The following ALPK2 variants were observed in gnomAD, a reference collection of about 807,000 sequenced individuals.
ALPK2 encodes alpha-protein kinase 2.
ALPK2 carries 127 observed loss-of-function variants against 163.1 expected under a neutral mutation model. The ratio of observed to expected loss-of-function variants is 0.78; its 90% CI spans 0.67 to 0.90. The LOEUF is 0.90. ALPK2 is among the 40% of genes least tolerant of loss of function. ALPK2 has a pLI of 0.00. For synonymous variants in ALPK2, 953 were observed against 959.1 expected (o/e 0.99, Z 0.12); for missense variants, 2,360 against 2,589.6 (o/e 0.91, Z 1.92).
At position 58,537,479 on chromosome 18, in the gene ALPK2, C is replaced by G. The variant is rs149634781; in HGVS notation, c.2708G>C (p.Ser903Thr). 2 of 1,611,846 alleles carry G rather than the reference C, an allele frequency of 1.2e-6. No individual in the cohort carries two copies. Among genetic ancestry groups the G allele is most frequent in the Non-Finnish European group, 1.7e-6 (2 of 1,178,482 alleles). The change falls in exon 5 of 13, where the codon AGT becomes ACT. Residue 903 changes from serine (S) to threonine (T), a missense_variant. Ser to Thr is a moderately conservative substitution (Grantham distance 58). Transcript: ENST00000361673. ...TAGATTTTCTCCTGTGGCACCTTCACTAGCTGTGTGTGAAATGTTCAAGGT... is the reference window on the plus strand; with the variant it reads ...TAGATTTTCTCCTGTGGCACCTTCAGTAGCTGTGTGTGAAATGTTCAAGGT... ...TFTLNISHTA[S>T]EGATGENLAK...
Position 58,537,373 on chromosome 18 carries a change from T to C in ALPK2, c.2814A>G (p.Gly938=), listed in dbSNP as rs763641874. The change falls in exon 5 of 13, where the codon GGA becomes GGG. Residue 938 remains glycine, a synonymous_variant. Transcript: ENST00000361673. ...AAAGGAGCTGTGTTTCATCAAGCCC[T>C]CCTGAGTTGCTGGGGCTTGGCTGCT... ...GQEQPSPSNS[G]GLDETQLLSS... is the part of the protein sequence containing the mutation. The C allele has an allele frequency of 1.9e-6, 3 of 1,614,056 alleles. No individual in the cohort carries two copies. The highest frequency in any genetic ancestry group is 2.5e-6 in the Non-Finnish European group (3 of 1,179,960).
chr18:58,598,232 G>A (rs980545644), intron 3 of ALPK2, among the ~76,000 whole-genome samples: 6 of 152,244 alleles, frequency 3.9e-5, no homozygotes, highest in South Asian at 2.1e-4. Flanking sequence ...GATCCAGAGC[G>A]GCAGCTCCTC....
intron 3 of ALPK2, among the ~76,000 whole-genome samples, chr18:58,585,526 A>C (rs905492481): frequency 2.0e-5 from 3 of 152,194 alleles, no homozygotes; most frequent in Non-Finnish European, 4.4e-5. Context: ...CTGACACATC[A>C]ATGTATTGGG....
At chr18:58,578,733 GAC>G (rs71173065) in intron 4 of ALPK2, 79 bp downstream of exon 4, 18,870 of 515,506 alleles carry the variant, frequency 0.037, 14 homozygotes, top group Non-Finnish European at 0.048. Context: ...TAAAGGAAGA[GAC>G]ACACACACAC....
At chr18:58,572,086 G>T (rs927823789) in intron 4 of ALPK2, among the ~76,000 whole-genome samples, 6 of 151,848 alleles carry the variant, frequency 4.0e-5, no homozygotes, top group African/African-American at 1.5e-4. Flanking sequence ...GTTAGGAAAT[G>T]GACTTAACAG....
chr18:58,578,564 G>C lies in ALPK2; in HGVS notation c.1962+250C>G, dbSNP rs145047869. The C allele has an allele frequency of 1.8e-3, 650 of 368,906 alleles. 1 individual carries two copies. The highest frequency in any genetic ancestry group is 0.012 in the African/African-American group (555 of 47,310). 22.9% of individuals were successfully genotyped at this position (368,906 alleles called of 1,614,324 possible). On this transcript the variant is annotated intron_variant, in intron 4 of 12. Transcript: ENST00000361673. Reference sequence around the variant, plus strand: ...CATTAGTGCCTCTTAACTTCTATCAGTCTTTTGCTATAATTAGGATGGCTT... The same window carrying C: ...CATTAGTGCCTCTTAACTTCTATCACTCTTTTGCTATAATTAGGATGGCTT...
chr18:58,580,163 G>T lies in ALPK2; in HGVS notation c.613C>A (p.Pro205Thr). 1 of 1,614,154 alleles carries T rather than the reference G, an allele frequency of 6.2e-7. No homozygotes were observed. Among genetic ancestry groups the T allele is most frequent in the Non-Finnish European group, 8.5e-7 (1 of 1,180,026 alleles). Reference protein sequence around the residue: ...GTRHTGEAYDPSNTEEIANGL... With the variant: ...GTRHTGEAYDTSNTEEIANGL... The stretch of plus-strand genomic sequence containing the variant: ...TTTGCAATTTCTTCTGTGTTACTTG[G>T]ATCATAAGCCTCTCCAGTGTGCCTT... Residue 205 changes from proline (P) to threonine (T), a missense_variant, in exon 4 of 13, where the codon CCA (proline) becomes ACA (threonine). Pro to Thr is a conservative substitution (Grantham distance 38). Coordinates refer to ENST00000361673, the MANE Select transcript of ALPK2 (RefSeq NM_052947.4).
At chr18:58,527,273 C>T (rs1380954738) in intron 6 of ALPK2, among the ~76,000 whole-genome samples, 1 of 152,182 alleles carries the variant, frequency 6.6e-6, no homozygotes. Context: ...GAGAAATTAG[C>T]AAACATTTGA....
chr18:58,611,778 G>A lies in ALPK2; in HGVS notation c.20C>T (p.Pro7Leu), dbSNP rs756491688. The A allele has an allele frequency of 1.1e-5, 17 of 1,602,014 alleles. No individual in the cohort carries two copies. Among genetic ancestry groups the A allele is most frequent in the Non-Finnish European group, 1.4e-5 (17 of 1,176,680 alleles). Residue 7 changes from proline to leucine, a missense_variant, in exon 2 of 13, where the codon CCC (proline) becomes CTC (leucine). By Grantham distance (98) the Pro-to-Leu change is moderately conservative. Transcript: ENST00000361673. MKDSEG[P>L]QRPPLCFLST... ...TAAAAAACACAGCGGGGGCCTCTGGGGCCCTTCGGAGTCTTTCATCCTTTC... is the reference window on the plus strand; with the variant it reads ...TAAAAAACACAGCGGGGGCCTCTGGAGCCCTTCGGAGTCTTTCATCCTTTC...
rs200719522 is a variant in ALPK2, at chr18:58,482,033, C to T, written c.6303G>A (p.Lys2101=). Residue 2101 remains lysine, a synonymous_variant, in exon 13 of 13, where the codon AAG becomes AAA. Coordinates refer to ENST00000361673, the MANE Select transcript of ALPK2 (RefSeq NM_052947.4). ...TCATGGAACAGTTGCCTTTAAATCC[C>T]TTGTACCTGTGAGTTTGGGTGGAAG... is the stretch of plus-strand genomic sequence containing the variant. ...VGIATLAKGY[K]GFKGNCSMTF... 1.2e-5 allele frequency: 20 copies of T among 1,612,924 alleles called. No individual in the cohort carries two copies. Among genetic ancestry groups the T allele is most frequent in the Non-Finnish European group, 1.7e-5 (20 of 1,179,170 alleles).
Position 58,538,375 on chromosome 18 carries a change from G to C in ALPK2, c.1963-151C>G, listed in dbSNP as rs531955205. 1.8e-3 allele frequency: 1,287 copies of C among 735,164 alleles called. 4 individuals are homozygous for C. The highest frequency in any genetic ancestry group is 2.5e-3 in the Non-Finnish European group (1,189 of 480,980). The allele number at this position is 735,164 out of a possible 1,614,324, so 45.5% of individuals were successfully genotyped here. A position where few individuals can be genotyped will look rare whatever the true frequency, so the allele number is the denominator to read the frequency against. ...AACATTAATCCCCCAACTCCCTCTA[G>C]CTATTAGAGATTTCCTAGAAAACTG... On this transcript the variant is annotated intron_variant, in intron 4 of 12. Transcript: ENST00000361673.
intron 1 of ALPK2, among the ~76,000 whole-genome samples, chr18:58,617,258 C>T (rs1300157135): frequency 6.6e-6 from 1 of 152,190 alleles, no homozygotes; most frequent in Non-Finnish European, 1.5e-5. Context: ...ACGATCTCAG[C>T]TCACTGCATC....
chr18:58,559,234 A>ACCC (rs2051811390), intron 4 of ALPK2, among the ~76,000 whole-genome samples: 1 of 152,162 alleles, frequency 6.6e-6, no homozygotes, highest in Non-Finnish European at 1.5e-5. Context: ...GATAGCCACA[A>ACCC]CTGGGGTTGG....
rs398033036 is a variant in ALPK2 at position 58,521,627 on chromosome 18, C to CTTTTTTTTTTTTTTTTTTTTTTTTTTTT, written c.5665+2178_5665+2179insAAAAAAAAAAAAAAAAAAAAAAAAAAAA. ...TTTCTTTTTCTTTCTTTCTCTCTCT[C>CTTTTTTTTTTTTTTTTTTTTTTTTTTTT]TTTTTTTTTTTTTTTTTTTGAGATG... On this transcript the variant is annotated intron_variant, in intron 8 of 12. Transcript: ENST00000361673. 2.7e-4 allele frequency among the ~76,000 whole-genome samples: 15 copies of CTTTTTTTTTTTTTTTTTTTTTTTTTTTT among 55,386 alleles called. 2 individuals carry two copies. Among genetic ancestry groups the CTTTTTTTTTTTTTTTTTTTTTTTTTTTT allele is most frequent in the African/African-American group, 2.5e-4 (4 of 15,832 alleles). 36.3% of individuals were successfully genotyped at this position (55,386 alleles called of 152,430 possible).
intron 4 of ALPK2, among the ~76,000 whole-genome samples, chr18:58,565,625 A>G (rs1226299872): frequency 6.6e-6 from 1 of 152,150 alleles, no homozygotes; most frequent in Non-Finnish European, 1.5e-5. Flanking sequence ...GTCTATTACA[A>G]TGTCCTACAT....
At chr18:58,532,683 C>T (rs1033282629) in intron 5 of ALPK2, among the ~76,000 whole-genome samples, 3 of 152,156 alleles carry the variant, frequency 2.0e-5, no homozygotes, top group African/African-American at 7.2e-5. Context: ...TATTTAAAAA[C>T]ACTAATTTAA....
intron 4 of ALPK2, among the ~76,000 whole-genome samples, chr18:58,547,623 C>A (rs1442903327): frequency 6.6e-6 from 1 of 152,242 alleles, no homozygotes; most frequent in Non-Finnish European, 1.5e-5. Flanking sequence ...AAGCCTCCAA[C>A]CTTGTTAGCC....
chr18:58,542,512 A>G (rs554815802), intron 4 of ALPK2, among the ~76,000 whole-genome samples: 14 of 152,268 alleles, frequency 9.2e-5, no homozygotes, highest in Non-Finnish European at 1.8e-4. Context: ...AGGTCCAATC[A>G]TAGAAACCAC....
intron 1 of ALPK2, among the ~76,000 whole-genome samples, chr18:58,612,176 G>T (rs1204948195): frequency 3.3e-5 from 5 of 152,126 alleles, no homozygotes. Context: ...TATTGTCCTA[G>T]GCAGACCCCA....
Sources: allele counts gnomAD v4.1 joint callset (sites outside exome capture counted in the v4.1 genomes callset), GRCh38; gene constraint gnomAD v4.1.1; transcripts MANE v1.5; gene names NCBI Gene and HGNC (gene_info 2026-07-23, HGNC 2026-07-21).